The following KALRN variants were observed in gnomAD, a reference collection of about 807,000 sequenced individuals.
KALRN encodes the protein kalirin.
KALRN carries 70 observed loss-of-function variants against 353.7 expected under a neutral mutation model. The observed-to-expected ratio is 0.20, with a 90% CI of 0.16 to 0.24. The LOEUF (loss-of-function observed/expected upper bound fraction) is 0.24. Ranked by LOEUF, KALRN falls within the 10% of genes least tolerant of loss-of-function variation. The pLI, the probability that KALRN is intolerant of heterozygous loss-of-function variation, is 1.00. For synonymous variants in KALRN, 1,391 were observed against 1,434.8 expected, an observed-to-expected ratio of 0.97 and a Z score of 0.69; for missense variants, 2,791 against 3,756.7, an observed-to-expected ratio of 0.74 and a Z score of 6.72.
intron 6 of KALRN, among the ~76,000 whole-genome samples, chr3:124,322,543 G>T (rs942901826): frequency 1.3e-5 from 2 of 152,114 alleles, no homozygotes; most frequent in African/African-American, 4.8e-5. Context: ...AAATGGGAAA[G>T]CTGTAAAGAG....
rs2090002029 is a variant in KALRN, at chr3:124,395,244, C to T, written c.2072C>T (p.Ala691Val). ...LIKQFQQQQTATLDATLNVIK... is the reference protein window; with the variant it reads ...LIKQFQQQQTVTLDATLNVIK... ...AAGCAGTTCCAGCAGCAGCAGACCG[C>T]CACTCTAGATGCCACACTCAATGTC... Residue 691 changes from alanine to valine, a missense_variant, in exon 12 of 60, where the codon GCC (alanine) becomes GTC (valine). By Grantham distance (64) the Ala-to-Val change is moderately conservative. Coordinates refer to ENST00000682506, the MANE Select transcript of KALRN (RefSeq NM_001388419.1). 6.2e-7 allele frequency: 1 copy of T among 1,613,040 alleles called. No homozygotes were observed.
chr3:124,446,030 G>A, intron 19 of KALRN, 131 bp from the exon 20 acceptor site: 1 of 575,764 alleles, frequency 1.7e-6, no homozygotes, highest in Non-Finnish European at 3.1e-6. Flanking sequence ...TTCTTCTGAT[G>A]CTGGATTAGT....
chr3:124,369,432 G>A (rs2085513287), intron 10 of KALRN, among the ~76,000 whole-genome samples: 1 of 152,074 alleles, frequency 6.6e-6, no homozygotes, highest in African/African-American at 2.4e-5. Flanking sequence ...CAGTTATCTT[G>A]CACATCTTTC....
At chr3:124,205,748 T>A (rs567334587) in intron 1 of KALRN, among the ~76,000 whole-genome samples, 1 of 152,304 alleles carries the variant, frequency 6.6e-6, no homozygotes, top group African/African-American at 2.4e-5. Context: ...TATGTTCATA[T>A]CGCTCTCTAA....
At chr3:124,476,390 A>G (rs1300851119) in intron 26 of KALRN, among the ~76,000 whole-genome samples, 2 of 151,768 alleles carry the variant, frequency 1.3e-5, no homozygotes, top group African/African-American at 4.8e-5. Flanking sequence ...CTCACTGTAT[A>G]GAGGTCTCAT....
At chr3:124,053,903 T>C (rs1209969754) in intron 1 of KALRN, among the ~76,000 whole-genome samples, 1 of 152,246 alleles carries the variant, frequency 6.6e-6, no homozygotes. Flanking sequence ...TTGGGATTGA[T>C]TGCTTGTGTC....
rs60579271 is a variant in KALRN, at chr3:124,181,076, C to CAAAAAAAAAAAA, written c.74-46900_74-46889dup. 8.6e-3 allele frequency among the ~76,000 whole-genome samples: 472 copies of CAAAAAAAAAAAA among 55,184 alleles called. 28 individuals are homozygous for CAAAAAAAAAAAA. The highest frequency in any genetic ancestry group is 0.033 in the African/African-American group (435 of 13,358). 36.2% of individuals were successfully genotyped at this position (55,184 alleles called of 152,430 possible). A position where few individuals can be genotyped will look rare whatever the true frequency, so the allele number is the denominator to read the frequency against. On this transcript the variant is annotated intron_variant, in intron 1 of 59. Coordinates refer to ENST00000682506, the MANE Select transcript of KALRN (RefSeq NM_001388419.1). ...CAAAACCCCATCTCTACTAAAAATA[C>CAAAAAAAAAAAA]AAAAAAAAAAAAAAAAAAAAAAAAA... is the stretch of plus-strand genomic sequence containing the variant.
At chr3:124,292,101 G>C (rs985705227) in intron 5 of KALRN, among the ~76,000 whole-genome samples, 1 of 152,158 alleles carries the variant, frequency 6.6e-6, no homozygotes, top group Non-Finnish European at 1.5e-5. Flanking sequence ...TATGAGGTCT[G>C]TGTGTTGCCC....
chr3:124,544,037 A>G (rs1279151052), intron 33 of KALRN, among the ~76,000 whole-genome samples: 1 of 152,194 alleles, frequency 6.6e-6, no homozygotes, highest in African/African-American at 2.4e-5. Flanking sequence ...TAGCCCAAAT[A>G]TAAATAACAT....
chr3:124,097,598 G>T (rs773966289), intron 1 of KALRN, among the ~76,000 whole-genome samples: 1 of 152,182 alleles, frequency 6.6e-6, no homozygotes, highest in Non-Finnish European at 1.5e-5. Context: ...TCTGTGATTT[G>T]ACACACCTAG....
chr3:124,154,862 AC>A (rs1213582601), intron 1 of KALRN, among the ~76,000 whole-genome samples: 3 of 152,168 alleles, frequency 2.0e-5, no homozygotes, highest in Non-Finnish European at 4.4e-5. Flanking sequence ...TTCAAACTAT[AC>A]TACAAGGCTA....
chr3:124,294,374 CCTGT>C (rs779646134), intron 5 of KALRN, among the ~76,000 whole-genome samples: 4 of 151,952 alleles, frequency 2.6e-5, no homozygotes, highest in Non-Finnish European at 5.9e-5. Flanking sequence ...CTTCCCTGAA[CCTGT>C]TTTCCTGCCT....
intron 5 of KALRN, among the ~76,000 whole-genome samples, chr3:124,279,470 C>A (rs1030511334): frequency 1.6e-4 from 25 of 152,202 alleles, no homozygotes; most frequent in African/African-American, 5.5e-4. Flanking sequence ...TCTTGAGGGG[C>A]ATGCATGGGG....
At chr3:124,473,079 C>T (rs1399653077) in intron 25 of KALRN, among the ~76,000 whole-genome samples, 3 of 152,150 alleles carry the variant, frequency 2.0e-5, no homozygotes, top group Non-Finnish European at 4.4e-5. Flanking sequence ...TTTGGCTTTC[C>T]AAATAGGACT....
chr3:124,477,390 G>A, intron 27 of KALRN, 56 bp downstream of exon 27: 2 of 1,296,816 alleles, frequency 1.5e-6, no homozygotes, highest in South Asian at 2.4e-5. Flanking sequence ...ATGCTTCTCT[G>A]CTTTGGCATA....
At chr3:124,503,413 A>G (rs181902105) in intron 33 of KALRN, among the ~76,000 whole-genome samples, 45 of 151,930 alleles carry the variant, frequency 3.0e-4, no homozygotes, top group Middle Eastern at 3.4e-3. Flanking sequence ...CCAAAGTAGG[A>G]AAAATACCAT....
At chr3:124,153,666 A>G (rs1372681056) in intron 1 of KALRN, among the ~76,000 whole-genome samples, 8 of 151,436 alleles carry the variant, frequency 5.3e-5, no homozygotes, top group Non-Finnish European at 1.2e-4. Flanking sequence ...TGGTATTTCT[A>G]GTTCTAGATC....
rs575951789 is a variant in KALRN at position 124,294,479 on chromosome 3, C to CATCA, written c.970-4311_970-4308dup. On this transcript the variant is annotated intron_variant, in intron 5 of 59. Transcript: ENST00000682506. Reference sequence around the variant, plus strand: ...TGAGTGGACATTTTGAACTCTAAAGCATCACACAATTGTCAGGGCTGAGAC... The same window carrying CATCA: ...TGAGTGGACATTTTGAACTCTAAAGCATCAATCACACAATTGTCAGGGCTGAGAC... Among the ~76,000 whole-genome samples, 8 of 147,232 alleles carry CATCA rather than the reference C, an allele frequency of 5.4e-5. No individual in the cohort carries two copies. The East Asian group carries it at 1.7e-3, about 31-fold the overall frequency.
chr3:124,456,878 G>A (rs2059358265), intron 23 of KALRN, 150 bp downstream of exon 23: 4 of 552,162 alleles, frequency 7.2e-6, no homozygotes, highest in South Asian at 2.2e-5. Flanking sequence ...GAGAATATGG[G>A]TTCCCTCTGA....
Sources: allele counts gnomAD v4.1 joint callset (sites outside exome capture counted in the v4.1 genomes callset), GRCh38; gene constraint gnomAD v4.1.1; transcripts MANE v1.5; gene names NCBI Gene and HGNC (gene_info 2026-07-23, HGNC 2026-07-21).